The following MYBPC1 variants were observed in gnomAD, a reference collection of about 807,000 sequenced individuals.
MYBPC1 encodes myosin binding protein C1.
In MYBPC1, 52 loss-of-function variants were observed where a neutral mutation model predicts 147.1. The ratio of observed to expected loss-of-function variants is 0.35; its 90% CI spans 0.28 to 0.45. The LOEUF (loss-of-function observed/expected upper bound fraction) is 0.45. MYBPC1 is among the 20% of genes least tolerant of loss of function. The pLI is 1.00. For synonymous variants in MYBPC1, 477 were observed against 475.9 expected, an observed-to-expected ratio of 1.00 and a Z score of -0.03; for missense variants, 1,228 against 1,440.3, an observed-to-expected ratio of 0.85 and a Z score of 2.39.
chr12:101,659,624 C>T (rs763220817), intron 18 of MYBPC1, 48 bp from the exon 19 acceptor site: 16 of 1,603,466 alleles, frequency 1.0e-5, no homozygotes, highest in African/African-American at 1.3e-5. Flanking sequence ...CTGAAGTAGC[C>T]CTGTTTATTG....
chr12:101,623,046 A>G (rs879544889), intron 3 of MYBPC1, among the ~76,000 whole-genome samples: 1 of 152,168 alleles, frequency 6.6e-6, no homozygotes, highest in Non-Finnish European at 1.5e-5. Flanking sequence ...CTTAAAAAAC[A>G]GATTGCCGGC....
At position 101,685,809 on chromosome 12, in the gene MYBPC1, G is replaced by C; in HGVS notation, c.*247G>C. Reference sequence around the variant, plus strand: ...CTTTTTCTTTCCTCCTAATGTTGAAGAGAAAAAAAAAAAAAAAAGTTTGCC... The same window carrying C: ...CTTTTTCTTTCCTCCTAATGTTGAACAGAAAAAAAAAAAAAAAAGTTTGCC... On this transcript the variant is annotated 3_prime_UTR_variant, in exon 32 of 32. Coordinates refer to ENST00000361466, the MANE Select transcript of MYBPC1 (RefSeq NM_002465.4). 69 of 287,464 alleles carry C rather than the reference G, an allele frequency of 2.4e-4. No homozygotes were observed. The highest frequency in any genetic ancestry group is 5.1e-4 in the East Asian group (6 of 11,766). The allele number at this position is 287,464 out of a possible 1,614,324, so 17.8% of individuals were successfully genotyped here.
downstream of MYBPC1, among the ~76,000 whole-genome samples, chr12:101,690,216 T>A (rs1951394589): frequency 6.6e-6 from 1 of 152,014 alleles, no homozygotes; most frequent in Non-Finnish European, 1.5e-5. Context: ...CTGCCCCAGA[T>A]CCTTAAGTTC....
At chr12:101,610,968 C>T (rs899498028) in intron 1 of MYBPC1, among the ~76,000 whole-genome samples, 2 of 152,112 alleles carry the variant, frequency 1.3e-5, no homozygotes, top group African/African-American at 4.8e-5. Context: ...TGGAGATAAT[C>T]ATAGTACTGA....
chr12:101,618,568 G>C (rs1886672785), intron 3 of MYBPC1, among the ~76,000 whole-genome samples: 1 of 152,218 alleles, frequency 6.6e-6, no homozygotes, highest in Non-Finnish European at 1.5e-5. Flanking sequence ...CAACAGAGCA[G>C]ATGATGTAAT....
At chr12:101,651,655 T>C (rs919328412) in intron 16 of MYBPC1, among the ~76,000 whole-genome samples, 2 of 152,174 alleles carry the variant, frequency 1.3e-5, no homozygotes, top group African/African-American at 2.4e-5. Flanking sequence ...AACATGAAGT[T>C]AGAGGCCAGG....
At chr12:101,614,765 A>T (rs1885437579) in intron 2 of MYBPC1, 1 of 581,328 alleles carries the variant, frequency 1.7e-6, no homozygotes, top group East Asian at 2.9e-5. Flanking sequence ...TAGGGGGACA[A>T]TTCTTATGAA....
At position 101,685,844 on chromosome 12, in the gene MYBPC1, T is replaced by A; in HGVS notation, c.*282T>A. 1.8e-6 allele frequency: 1 copy of A among 554,788 alleles called. No individual in the cohort carries two copies. Among genetic ancestry groups the A allele is most frequent in the Non-Finnish European group, 3.1e-6 (1 of 325,502 alleles). The allele number at this position is 554,788 out of a possible 1,614,324, so 34.4% of individuals were successfully genotyped here. A position where few individuals can be genotyped will look rare whatever the true frequency, so the allele number is the denominator to read the frequency against. On this transcript the variant is annotated 3_prime_UTR_variant, in exon 32 of 32. Transcript: ENST00000361466. ...AAAAAAAAAGTTTGCCCAGATTGCT[T>A]AATTAAAAATTGCAAACAAAATCTC...
intron 18 of MYBPC1, among the ~76,000 whole-genome samples, chr12:101,657,327 A>T (rs1371588191): frequency 2.6e-5 from 4 of 152,208 alleles, no homozygotes; most frequent in Non-Finnish European, 5.9e-5. Flanking sequence ...AATTAAATTC[A>T]AAGTAAGCAG....
intron 18 of MYBPC1, among the ~76,000 whole-genome samples, 184 bp downstream of exon 18, chr12:101,653,432 T>C (rs1423426342): frequency 6.6e-6 from 1 of 152,240 alleles, no homozygotes. Flanking sequence ...CTGATCATCA[T>C]TAATTTACTT....
intron 25 of MYBPC1, among the ~76,000 whole-genome samples, chr12:101,673,963 G>A (rs1433353030): frequency 1.3e-5 from 2 of 152,124 alleles, no homozygotes; most frequent in African/African-American, 4.8e-5. Flanking sequence ...TGAGGCAGGA[G>A]AATCGCTTGA....
the MYBPC1 span, among the ~76,000 whole-genome samples, chr12:101,691,586 G>C: frequency 6.6e-6 from 1 of 152,230 alleles, no homozygotes; most frequent in Non-Finnish European, 1.5e-5. Flanking sequence ...GTAAAACTGA[G>C]AGCCTAAATC....
At chr12:101,673,810 T>TGGGAGGCCAAC (rs1899244853) in intron 25 of MYBPC1, among the ~76,000 whole-genome samples, 188 bp downstream of exon 25, 1 of 152,200 alleles carries the variant, frequency 6.6e-6, no homozygotes, top group Admixed American at 6.5e-5. Flanking sequence ...CCCAGTACTT[T>TGGGAGGCCAAC]GGGAGGCCAA....
intron 22 of MYBPC1, among the ~76,000 whole-genome samples, chr12:101,665,506 A>G (rs1256036221): frequency 6.6e-6 from 1 of 151,954 alleles, no homozygotes. Flanking sequence ...TATTTTTTTA[A>G]TGCCTGCAGC....
At chr12:101,673,092 A>G (rs990929473) in intron 24 of MYBPC1, among the ~76,000 whole-genome samples, 9 of 152,176 alleles carry the variant, frequency 5.9e-5, no homozygotes, top group African/African-American at 2.2e-4. Flanking sequence ...GCTTTTGGAG[A>G]CTAGGAGACC....
chr12:101,597,895 T>G (rs558843617), intron 1 of MYBPC1, among the ~76,000 whole-genome samples: 20 of 152,210 alleles, frequency 1.3e-4, no homozygotes, highest in African/African-American at 4.3e-4. Context: ...AGTTTCAGAT[T>G]TGTGGGGATC....
chr12:101,653,146 T>G lies in MYBPC1; in HGVS notation c.1665T>G (p.Asp555Glu). ...CTAAGATCATCCTGGATGGTCTTGA[T>G]GCTGACAACACAGTGACAGTGATTG... ...DPPKIILDGL[D>E]ADNTVTVIAG... Residue 555 changes from aspartate to glutamate, a missense_variant, in exon 18 of 32, where the codon GAT (aspartate) becomes GAG (glutamate). Physicochemically the swap from Asp to Glu is conservative, Grantham distance 45. Transcript: ENST00000361466. The G allele has an allele frequency of 6.2e-7, 1 of 1,614,124 alleles. No individual in the cohort carries two copies. Among genetic ancestry groups the G allele is most frequent in the Non-Finnish European group, 8.5e-7 (1 of 1,179,986 alleles).
chr12:101,693,504 GTCAAAGCGGGAGGA>G, the MYBPC1 span, among the ~76,000 whole-genome samples: 1 of 152,100 alleles, frequency 6.6e-6, no homozygotes. Flanking sequence ...ATTTTAGGAG[GTCAAAGCGGGAGGA>G]TCATTTGGGG....
intron 22 of MYBPC1, among the ~76,000 whole-genome samples, chr12:101,663,960 C>A (rs891460406): frequency 1.2e-4 from 19 of 152,136 alleles, no homozygotes; most frequent in African/African-American, 4.6e-4. Flanking sequence ...AAAAGAGTGA[C>A]CTATTTTGGG....
Sources: gnomAD v4.1 joint callset for allele counts (sites outside exome capture counted in the v4.1 genomes callset) on GRCh38, gnomAD v4.1.1 for gene constraint, MANE v1.5 for transcripts, NCBI Gene and HGNC (gene_info 2026-07-23, HGNC 2026-07-21) for gene names.